The following DCLK2 variants were observed in gnomAD, a reference collection of about 807,000 sequenced individuals.
DCLK2 encodes the protein serine/threonine-protein kinase DCLK2.
A neutral mutation model predicts 78.4 loss-of-function variants in DCLK2; 31 were observed. That is an observed-to-expected ratio of 0.40 (90% CI 0.30 to 0.53). The LOEUF is 0.53. Among genes scored for constraint, DCLK2 ranks in the 20% least tolerant of loss-of-function variants. The pLI is 0.61. For missense variants in DCLK2, 872 were observed against 973.7 expected, an observed-to-expected ratio of 0.90 and a Z score of 1.39; for synonymous variants, 407 against 374.9, an observed-to-expected ratio of 1.09 and a Z score of -0.99.
chr4:150,149,279 A>G (rs889348021), intron 2 of DCLK2, among the ~76,000 whole-genome samples: 7 of 152,066 alleles, frequency 4.6e-5, no homozygotes, highest in Non-Finnish European at 7.4e-5. Context: ...GTTAATTTCT[A>G]TTGAAAAACT....
intron 2 of DCLK2, among the ~76,000 whole-genome samples, chr4:150,179,075 T>G (rs1737299031): frequency 6.6e-6 from 1 of 152,198 alleles, no homozygotes; most frequent in Admixed American, 6.5e-5. Context: ...TTGCCCAGGC[T>G]GGAGTGCAGT....
At chr4:150,213,402 A>G (rs1192001832) in intron 5 of DCLK2, among the ~76,000 whole-genome samples, 1 of 152,232 alleles carries the variant, frequency 6.6e-6, no homozygotes, top group Non-Finnish European at 1.5e-5. Flanking sequence ...TTCATATCTC[A>G]TACTGAAGTA....
chr4:150,199,061 C>G (rs2126427252), intron 4 of DCLK2: 1 of 1,596,642 alleles, frequency 6.3e-7, no homozygotes, highest in Non-Finnish European at 8.5e-7. Context: ...AGTGCCTATT[C>G]TACAGCCAAA....
chr4:150,189,333 A>G (rs1383720326), intron 2 of DCLK2, among the ~76,000 whole-genome samples: 2 of 152,350 alleles, frequency 1.3e-5, no homozygotes, highest in African/African-American at 2.4e-5. Flanking sequence ...TATAAGGTAG[A>G]CATAACTGAC....
At chr4:150,109,143 T>G (rs1731474369) in intron 2 of DCLK2, among the ~76,000 whole-genome samples, 2 of 152,220 alleles carry the variant, frequency 1.3e-5, no homozygotes, top group African/African-American at 2.4e-5. Flanking sequence ...AAGGTTCATT[T>G]GTTTTGAATC....
At chr4:150,250,129 A>G (rs1295891719) in intron 15 of DCLK2, among the ~76,000 whole-genome samples, 2 of 152,220 alleles carry the variant, frequency 1.3e-5, no homozygotes, top group African/African-American at 4.8e-5. Flanking sequence ...TCAGTTTTAA[A>G]AAATCAGTGT....
At chr4:150,170,302 C>T (rs1183052150) in intron 2 of DCLK2, among the ~76,000 whole-genome samples, 1 of 152,128 alleles carries the variant, frequency 6.6e-6, no homozygotes, top group Non-Finnish European at 1.5e-5. Flanking sequence ...CCTCAGCTTC[C>T]CAAAGTTCTG....
intron 2 of DCLK2, among the ~76,000 whole-genome samples, chr4:150,164,214 G>C (rs1474498796): frequency 6.6e-6 from 1 of 152,230 alleles, no homozygotes; most frequent in Non-Finnish European, 1.5e-5. Flanking sequence ...TAATTAGGAT[G>C]ACCTTGGAGA....
intron 2 of DCLK2, among the ~76,000 whole-genome samples, chr4:150,104,418 A>AAAAAAAAAAAAAAAAG: frequency 6.7e-6 from 1 of 150,002 alleles, no homozygotes; most frequent in Non-Finnish European, 1.5e-5. Context: ...AAAAAAAAAA[A>AAAAAAAAAAAAAAAAG]AAAAATCGAG....
chr4:150,178,400 T>C (rs1737239723), intron 2 of DCLK2, among the ~76,000 whole-genome samples: 1 of 152,204 alleles, frequency 6.6e-6, no homozygotes, highest in Admixed American at 6.5e-5. Flanking sequence ...ACTTTTAAAA[T>C]GTTGCCATAA....
chr4:150,226,121 T>C (rs775413505), intron 8 of DCLK2, among the ~76,000 whole-genome samples: 3 of 152,142 alleles, frequency 2.0e-5, no homozygotes, highest in Non-Finnish European at 4.4e-5. Context: ...TTCTACAAAA[T>C]AGTGTATTTT....
At chr4:150,185,793 T>C (rs888307822) in intron 2 of DCLK2, among the ~76,000 whole-genome samples, 1 of 152,040 alleles carries the variant, frequency 6.6e-6, no homozygotes. Context: ...AGATACCAAA[T>C]AGGGAAAGAA....
intron 2 of DCLK2, among the ~76,000 whole-genome samples, chr4:150,114,840 T>C (rs1731957825): frequency 6.6e-6 from 1 of 152,240 alleles, no homozygotes; most frequent in Non-Finnish European, 1.5e-5. Context: ...GTGTTGACTT[T>C]AGATAGCATG....
At chr4:150,157,277 A>G (rs1735360911) in intron 2 of DCLK2, among the ~76,000 whole-genome samples, 1 of 149,060 alleles carries the variant, frequency 6.7e-6, no homozygotes, top group African/African-American at 2.5e-5. Context: ...CATTTTTGAG[A>G]TTATGAATTT....
rs183905906 is a variant in DCLK2, at chr4:150,118,632, C to T, written c.756+15820C>T. Among the ~76,000 whole-genome samples the T allele has an allele frequency of 2.7e-3, 411 of 152,166 alleles. 3 individuals are homozygous for T. Among genetic ancestry groups the T allele is most frequent in the African/African-American group, 9.3e-3 (386 of 41,526 alleles). On this transcript the variant is annotated intron_variant, in intron 2 of 15. Coordinates refer to ENST00000296550, the MANE Select transcript of DCLK2 (RefSeq NM_001040260.4). ...GAAAAATGTAAACAATTCAGAAATA[C>T]GAAAACTGAGAGTCTGTTCACATCT...
At chr4:150,091,088 C>T (rs748297814) in intron 1 of DCLK2, among the ~76,000 whole-genome samples, 17 of 152,110 alleles carry the variant, frequency 1.1e-4, no homozygotes, top group East Asian at 3.9e-4. Context: ...TTTGCCATGA[C>T]GGAATAATAA....
At chr4:150,252,053 G>A (rs1006338879) in intron 15 of DCLK2, among the ~76,000 whole-genome samples, 2 of 152,102 alleles carry the variant, frequency 1.3e-5, no homozygotes, top group Non-Finnish European at 2.9e-5. Context: ...TTTGAGTTGT[G>A]GTTTCCCTTG....
chr4:150,206,115 C>T (rs1254648011), intron 5 of DCLK2, among the ~76,000 whole-genome samples: 1 of 152,204 alleles, frequency 6.6e-6, no homozygotes, highest in Non-Finnish European at 1.5e-5. Context: ...ACAACTATGG[C>T]TTCAGGACAG....
chr4:150,213,638 A>G (rs563236876), intron 5 of DCLK2, among the ~76,000 whole-genome samples: 1 of 152,288 alleles, frequency 6.6e-6, no homozygotes, highest in South Asian at 2.1e-4. Flanking sequence ...TTCAGAAGTT[A>G]CCTTTTTAAA....
Sources: gnomAD v4.1 joint callset for allele counts (sites outside exome capture counted in the v4.1 genomes callset) on GRCh38, gnomAD v4.1.1 for gene constraint, MANE v1.5 for transcripts, NCBI Gene and HGNC (gene_info 2026-07-23, HGNC 2026-07-21) for gene names.